Variants in PHF20 observed in about 807,000 individuals in gnomAD.
PHF20 encodes the protein glioma-expressed antigen 2.
Under a neutral mutation model 113.5 loss-of-function variants are expected in PHF20, and 23 were observed. The observed-to-expected ratio is 0.20, with a 90% CI of 0.15 to 0.29. The LOEUF (loss-of-function observed/expected upper bound fraction) is 0.29. PHF20 is among the 10% of genes least tolerant of loss of function. The pLI, the probability that PHF20 is intolerant of heterozygous loss-of-function variation, is 1.00. For synonymous variants in PHF20, 434 were observed against 457.3 expected (o/e 0.95, Z 0.65); for missense variants, 943 against 1,219.6 (o/e 0.77, Z 3.38).
intron 17 of PHF20, 131 bp from the exon 18 acceptor site, chr20:35,947,336 GCCCTTCCTCCCTTGCCCC>G: frequency 1.7e-5 from 11 of 660,880 alleles, no homozygotes; most frequent in South Asian, 1.2e-4. Flanking sequence ...GGCTGAAATG[GCCCTTCCTCCCTTGCCCC>G]ATGGAGGCTG....
chr20:35,833,050 CAAAAAAAAAAAA>C (rs56997481), intron 2 of PHF20, among the ~76,000 whole-genome samples: 1 of 69,824 alleles, frequency 1.4e-5, no homozygotes, highest in Non-Finnish European at 3.0e-5. Flanking sequence ...GACTCCATCT[CAAAAAAAAAAAA>C]AAAAAAAAAG....
intron 17 of PHF20, among the ~76,000 whole-genome samples, chr20:35,944,287 A>G (rs2056045886): frequency 6.6e-6 from 1 of 152,184 alleles, no homozygotes; most frequent in Non-Finnish European, 1.5e-5. Flanking sequence ...CTTCCATCTC[A>G]GGAACTCCAC....
intron 2 of PHF20, 36 bp downstream of exon 2, chr20:35,801,641 A>C (rs1337868524): frequency 1.4e-6 from 2 of 1,457,138 alleles, no homozygotes. Flanking sequence ...AAAGCCCTTC[A>C]GTAAAGGATT....
chr20:35,843,881 T>C (rs1223671893), intron 3 of PHF20, among the ~76,000 whole-genome samples: 2 of 152,202 alleles, frequency 1.3e-5, no homozygotes. Flanking sequence ...GCAGAGTCTT[T>C]TATAAGCCCT....
At chr20:35,875,030 G>C (rs2054493192) in intron 9 of PHF20, among the ~76,000 whole-genome samples, 1 of 152,128 alleles carries the variant, frequency 6.6e-6, no homozygotes, top group Non-Finnish European at 1.5e-5. Flanking sequence ...AACCAGGGAG[G>C]TCGAGGCTGC....
Position 35,940,976 on chromosome 20 carries a change from T to A in PHF20, c.2825T>A (p.Leu942Gln). 6.2e-7 allele frequency: 1 copy of A among 1,614,160 alleles called. No homozygotes were observed. ...TCCCAGCACCAGTGGCAGTTTAACC[T>A]GCTGACCCATGTGGAATCTCTTCAG... ...LSSQHQWQFN[L>Q]LTHVESLQDE... The change falls in exon 17 of 18, where the codon CTG (leucine) becomes CAG (glutamine). Residue 942 changes from leucine (L) to glutamine (Q), a missense_variant. Physicochemically the swap from Leu to Gln is moderately radical, Grantham distance 113. Around this residue, in one of 3 missense-constraint regions of PHF20, gnomAD observed 349 missense variants for 412.3 expected, o/e 0.85. Transcript: ENST00000374012.
chr20:35,852,844 G>C (rs1157868018), intron 4 of PHF20, among the ~76,000 whole-genome samples: 2 of 149,584 alleles, frequency 1.3e-5, no homozygotes, highest in Non-Finnish European at 3.0e-5. Context: ...TGATCCACCC[G>C]CGTCGGTCTC....
chr20:35,838,824 C>A (rs376941683), intron 2 of PHF20, among the ~76,000 whole-genome samples: 5 of 142,442 alleles, frequency 3.5e-5, no homozygotes, highest in African/African-American at 5.1e-5. Flanking sequence ...TCCACCTCTA[C>A]AAAAAAAAAA....
chr20:35,801,365 G>T (rs2041777760), intron 1 of PHF20, 126 bp from the exon 2 acceptor site: 1 of 554,062 alleles, frequency 1.8e-6, no homozygotes, highest in African/African-American at 1.9e-5. Flanking sequence ...TTAGAATGAG[G>T]ACACCAACAG....
chr20:35,839,607 C>G (rs141948218), intron 2 of PHF20, among the ~76,000 whole-genome samples: 23 of 152,238 alleles, frequency 1.5e-4, no homozygotes, highest in African/African-American at 4.8e-4. Context: ...TTTCATTTGT[C>G]AGATCAGACA....
chr20:35,849,450 A>G (rs1433499888), intron 4 of PHF20: 2 of 471,266 alleles, frequency 4.2e-6, no homozygotes, highest in Non-Finnish European at 8.8e-6. Flanking sequence ...AGCTACCAGG[A>G]GGAGGCAGGG....
intron 10 of PHF20, among the ~76,000 whole-genome samples, chr20:35,902,775 T>A (rs1242787861): frequency 1.3e-5 from 2 of 152,174 alleles, no homozygotes; most frequent in African/African-American, 4.8e-5. Context: ...ATAGAGATAA[T>A]AGTACTACCT....
chr20:35,934,733 G>T (rs2055832067), intron 15 of PHF20, among the ~76,000 whole-genome samples: 1 of 151,904 alleles, frequency 6.6e-6, no homozygotes. Flanking sequence ...AGAAGTAGGG[G>T]TGGGGGTGGG....
chr20:35,855,688 T>G (rs1283916797), intron 4 of PHF20: 1 of 152,238 alleles, frequency 6.6e-6, no homozygotes, highest in African/African-American at 2.4e-5. Flanking sequence ...TTTTTTATTT[T>G]TTTTAGGCAG....
At chr20:35,864,114 A>T (rs902781630) in intron 6 of PHF20, among the ~76,000 whole-genome samples, 1 of 152,162 alleles carries the variant, frequency 6.6e-6, no homozygotes, top group Non-Finnish European at 1.5e-5. Context: ...GGTTCTCTGG[A>T]CTGAGCCTGC....
intron 5 of PHF20, among the ~76,000 whole-genome samples, chr20:35,861,415 C>A (rs548195772): frequency 1.5e-4 from 23 of 152,016 alleles, no homozygotes; most frequent in Middle Eastern, 3.4e-3. Context: ...TATTTATTTT[C>A]AAAATTGGAG....
At chr20:35,797,235 G>A (rs984858312) in intron 1 of PHF20, among the ~76,000 whole-genome samples, 33 of 151,890 alleles carry the variant, frequency 2.2e-4, no homozygotes, top group Admixed American at 1.2e-3. Context: ...AAAATGGGCC[G>A]GGCGTGGTGG....
At chr20:35,892,524 T>A (rs1433665532) in intron 9 of PHF20, among the ~76,000 whole-genome samples, 1 of 152,128 alleles carries the variant, frequency 6.6e-6, no homozygotes, top group Non-Finnish European at 1.5e-5. Flanking sequence ...TGTTATATTA[T>A]AATTTAACAT....
chr20:35,875,994 T>G (rs2054514359), intron 9 of PHF20, among the ~76,000 whole-genome samples: 1 of 152,196 alleles, frequency 6.6e-6, no homozygotes, highest in South Asian at 2.1e-4. Flanking sequence ...GAATCAAGTA[T>G]AGTAAGGGTG....
Sources: allele counts gnomAD v4.1 joint callset (sites outside exome capture counted in the v4.1 genomes callset), GRCh38; gene constraint gnomAD v4.1.1; regional missense constraint gnomAD v4.1.1; transcripts MANE v1.5; gene names NCBI Gene and HGNC (gene_info 2026-07-23, HGNC 2026-07-21).